APOB: variants seen among roughly 807,000 people sequenced by gnomAD.
APOB encodes apolipoprotein B-100.
A neutral mutation model predicts 314.1 loss-of-function variants in APOB; 153 were observed. That is an observed-to-expected ratio of 0.49 (90% CI 0.43 to 0.56). The LOEUF (loss-of-function observed/expected upper bound fraction) is 0.56. APOB is among the 20% of genes least tolerant of loss of function. The probability of loss-of-function intolerance (pLI) is 0.00; values close to 1 mark genes in which losing one functional copy is unlikely to be tolerated. For missense variants in APOB, 5,430 were observed against 5,350.7 expected (o/e 1.01, Z -0.46); for synonymous variants, 2,087 against 2,036.4 (o/e 1.02, Z -0.67).
intron 18 of APOB, 83 bp from the exon 19 acceptor site, chr2:21,019,988 C>T: frequency 8.0e-7 from 1 of 1,251,272 alleles, no homozygotes; most frequent in Non-Finnish European, 1.2e-6. Flanking sequence ...GCAAATACCC[C>T]CTTATCCTCC....
chr2:21,004,224 C>A (rs768787499), intron 28 of APOB, 45 bp downstream of exon 28: 12 of 1,596,636 alleles, frequency 7.5e-6, no homozygotes, highest in Non-Finnish European at 1.0e-5. Flanking sequence ...TGCCCCAATT[C>A]TCCACTCGCT....
chr2:21,024,958 C>T lies in APOB; in HGVS notation c.2411G>A (p.Arg804His), dbSNP rs148190577. The T allele has an allele frequency of 1.1e-4, 171 of 1,614,094 alleles. No individual in the cohort carries two copies. The Middle Eastern group carries it at 1.6e-3, about 16-fold the overall frequency. Reference sequence around the variant, plus strand: ...CATCTGGGGGATCCCCTGCAGAGTGCGGGCACCCATCAGAAGCAGCTTTCC... The same window carrying T: ...CATCTGGGGGATCCCCTGCAGAGTGTGGGCACCCATCAGAAGCAGCTTTCC... ...LLGKLLLMGARTLQGIPQMIG... is the reference protein window; with the variant it reads ...LLGKLLLMGAHTLQGIPQMIG... The change falls in exon 16 of 29, where the codon CGC (arginine) becomes CAC (histidine). Residue 804 changes from arginine to histidine, a missense_variant. By Grantham distance (29) the Arg-to-His change is conservative. Coordinates refer to ENST00000233242, the MANE Select transcript of APOB (RefSeq NM_000384.3).
In APOB at chr2:21,043,381, C is replaced by A. The variant is rs1020929180; in HGVS notation, c.121+132G>T. 8 of 1,078,370 alleles carry A rather than the reference C, an allele frequency of 7.4e-6. No individual in the cohort carries two copies. In the African/African-American group the frequency reaches 7.8e-5, roughly 11 times the overall value. The allele number at this position is 1,078,370 out of a possible 1,614,324, so 66.8% of individuals were successfully genotyped here. A position where few individuals can be genotyped will look rare whatever the true frequency, so the allele number is the denominator to read the frequency against. ...TGTGGGCAGAGGCTCAGGGAACTTG[C>A]TTCCTGGGGTCAGAGCAAGGCACAC... On this transcript the variant is annotated intron_variant, in intron 2 of 28. Coordinates refer to ENST00000233242, the MANE Select transcript of APOB (RefSeq NM_000384.3).
Position 21,032,276 on chromosome 2 carries a change from C to T in APOB, c.1352+78G>A, listed in dbSNP as rs1255592556. ...GAGTTTGAAAGTGGAAGGAGGGGTTCAGTTTTAATACAGAGATGCACAGAG... is the reference window on the plus strand; with the variant it reads ...GAGTTTGAAAGTGGAAGGAGGGGTTTAGTTTTAATACAGAGATGCACAGAG... On this transcript the variant is annotated intron_variant, in intron 10 of 28. Transcript: ENST00000233242. 4 of 1,300,212 alleles carry T rather than the reference C, an allele frequency of 3.1e-6. No homozygotes were observed. In the African/African-American group the frequency reaches 4.3e-5, roughly 14 times the overall value. The allele number at this position is 1,300,212 out of a possible 1,614,324, so 80.5% of individuals were successfully genotyped here.
At chr2:21,026,986 G>A (rs1007725740) in intron 14 of APOB, 22 bp from the exon 15 acceptor site, 3 of 1,613,466 alleles carry the variant, frequency 1.9e-6, no homozygotes, top group African/African-American at 1.3e-5. Context: ...AATCAGACAA[G>A]AAAATGGCAT....
chr2:21,005,615 G>T lies in APOB; in HGVS notation c.11253C>A (p.Val3751=). 1 of 1,613,972 alleles carries T rather than the reference G, an allele frequency of 6.2e-7. No individual in the cohort carries two copies. The highest frequency in any genetic ancestry group is 1.1e-5 in the South Asian group (1 of 91,086). The part of the protein sequence containing the change: ...NSVLVMPTFH[V]PFTDLQVPSC... ...ATGGAACCTGAAGATCTGTAAATGG[G>T]ACATGGAACGTAGGCATGACAAGAA... The change falls in exon 26 of 29, where the codon GTC becomes GTA. Residue 3751 remains valine (V), a synonymous_variant. Transcript: ENST00000233242.
Position 21,012,111 on chromosome 2 carries a change from T to C in APOB, c.4757A>G (p.Lys1586Arg). 1 of 1,610,228 alleles carries C rather than the reference T, an allele frequency of 6.2e-7. No individual in the cohort carries two copies. Among genetic ancestry groups the C allele is most frequent in the South Asian group, 1.1e-5 (1 of 90,598 alleles). The change falls in exon 26 of 29, where the codon AAG (lysine) becomes AGG (arginine). Residue 1586 changes from lysine to arginine, a missense_variant. By Grantham distance (26) the Lys-to-Arg change is conservative. This residue lies in a region of APOB where 2,085 missense variants were observed against 2,079.7 expected (regional missense o/e 1.00). Coordinates refer to ENST00000233242, the MANE Select transcript of APOB (RefSeq NM_000384.3). The stretch of plus-strand genomic sequence containing the variant: ...TTGCTTAGAGAAGGTCATATCCATC[T>C]TGTTAGAAGTGGCAAAGTTCTTATA... ...GKYKNFATSN[K>R]MDMTFSKQNA...
rs1395904887 is a variant in APOB, at chr2:21,034,821, C to T, written c.899G>A (p.Gly300Asp). Residue 300 changes from glycine (G) to aspartate (D), a missense_variant, in exon 8 of 29, where the codon GGT becomes GAT. Around this residue, in one of 3 missense-constraint regions of APOB, gnomAD observed 2,085 missense variants for 2,079.7 expected, o/e 1.00. Transcript: ENST00000233242. ...DTPKINSRFFGEGTKKMGLAF... is the reference protein window; with the variant it reads ...DTPKINSRFFDEGTKKMGLAF... ...ATGTGGACAGAAACTCTTACCTTCACCAAAGAAGCGGCTGTTGATCTTTGG... is the reference window on the plus strand; with the variant it reads ...ATGTGGACAGAAACTCTTACCTTCATCAAAGAAGCGGCTGTTGATCTTTGG... The T allele has an allele frequency of 1.3e-6, 2 of 1,585,984 alleles. No individual in the cohort carries two copies. Among genetic ancestry groups the T allele is most frequent in the Non-Finnish European group, 8.7e-7 (1 of 1,154,450 alleles).
Position 21,037,261 on chromosome 2 carries a change from G to A in APOB, c.538-6C>T, listed in dbSNP as rs1299062067. ...CAGTTTCCATACACGGTATCCTATGGAGGAAGAAGATGCAACCACATGTAT... is the reference window on the plus strand; with the variant it reads ...CAGTTTCCATACACGGTATCCTATGAAGGAAGAAGATGCAACCACATGTAT... On this transcript the variant is annotated splice_region_variant and splice_polypyrimidine_tract_variant and intron_variant, in intron 5 of 28. Transcript: ENST00000233242. 6.2e-7 allele frequency: 1 copy of A among 1,613,664 alleles called. No homozygotes were observed. The highest frequency in any genetic ancestry group is 8.5e-7 in the Non-Finnish European group (1 of 1,179,680).
At chr2:21,020,679 C>T (rs1405318993) in intron 18 of APOB, among the ~76,000 whole-genome samples, 1 of 152,206 alleles carries the variant, frequency 6.6e-6, no homozygotes, top group South Asian at 2.1e-4. Flanking sequence ...GAAAGTTCAA[C>T]ATTGGCCTGG....
intron 7 of APOB, among the ~76,000 whole-genome samples, 158 bp downstream of exon 7, chr2:21,035,426 G>A (rs2103382444): frequency 6.6e-6 from 1 of 152,260 alleles, no homozygotes; most frequent in African/African-American, 2.4e-5. Flanking sequence ...CTGCCAAATG[G>A]CCTGTTCGCT....
At chr2:21,043,701 C>A (rs1664193376) in intron 1 of APOB, 150 bp from the exon 2 acceptor site, 1 of 1,507,456 alleles carries the variant, frequency 6.6e-7, no homozygotes, top group Admixed American at 2.0e-5. Context: ...TCCCGCGCCC[C>A]CCATCCTGAG....
At position 21,007,845 on chromosome 2, in the gene APOB, G is replaced by T; in HGVS notation, c.9023C>A (p.Ala3008Glu). 1.9e-6 allele frequency: 3 copies of T among 1,614,010 alleles called. No homozygotes were observed. Among genetic ancestry groups the T allele is most frequent in the Non-Finnish European group, 1.7e-6 (2 of 1,179,960 alleles). ...CTCTGCCTTCCCTTCTCCAAACAGT[G>T]CCATGCCTTTAGCAGTTAGAACACT... ...GHSVLTAKGM[A>E]LFGEGKAEFT... Residue 3008 changes from alanine (A) to glutamate (E), a missense_variant, in exon 26 of 29, where the codon GCA becomes GAA. Coordinates refer to ENST00000233242, the MANE Select transcript of APOB (RefSeq NM_000384.3).
chr2:21,036,779 G>A (rs1394921049), intron 6 of APOB, among the ~76,000 whole-genome samples: 9 of 152,102 alleles, frequency 5.9e-5, no homozygotes, highest in African/African-American at 1.4e-4. Context: ...ATCCATCCCC[G>A]GAACCTTCTC....
Position 21,002,655 on chromosome 2 carries a change from T to C in APOB, c.12767A>G (p.Glu4256Gly). The C allele has an allele frequency of 6.2e-7, 1 of 1,613,752 alleles. No individual in the cohort carries two copies. Residue 4256 changes from glutamate to glycine, a missense_variant, in exon 29 of 29, where the codon GAG (glutamate) becomes GGG (glycine). Physicochemically the swap from Glu to Gly is moderately conservative, Grantham distance 98. Around this residue, in one of 3 missense-constraint regions of APOB, gnomAD observed 3,281 missense variants for 3,171.0 expected, o/e 1.03. Coordinates refer to ENST00000233242, the MANE Select transcript of APOB (RefSeq NM_000384.3). ...FQDLVITLPF[E>G]LRKHKLIDVI... ...ATCTATTAGTTTATGTTTCCTTAAC[T>C]CGAAAGGAAGTGTAATCACTAGGTC...
Position 21,003,134 on chromosome 2 carries a change from G to A in APOB, c.12288C>T (p.Thr4096=). 1 of 1,611,658 alleles carries A rather than the reference G, an allele frequency of 6.2e-7. No homozygotes were observed. Among genetic ancestry groups the A allele is most frequent in the Non-Finnish European group, 8.5e-7 (1 of 1,178,396 alleles). ...NKYHWEHTGL[T]LREVSSKLRR... is the part of the protein sequence containing the mutation. ...TCAGCTTTGAAGACACTTCTCTCAG[G>A]GTGAGCCCTGTGTGTTCCCAGTGGT... is the stretch of plus-strand genomic sequence containing the variant. The change falls in exon 29 of 29, where the codon ACC becomes ACT. Residue 4096 remains threonine, a synonymous_variant. Coordinates refer to ENST00000233242, the MANE Select transcript of APOB (RefSeq NM_000384.3).
intron 15 of APOB, among the ~76,000 whole-genome samples, chr2:21,025,675 G>C (rs932453398): frequency 2.0e-5 from 3 of 152,192 alleles, no homozygotes; most frequent in African/African-American, 7.2e-5. Flanking sequence ...TCAAGTGGGG[G>C]TCAGGAAATT....
intron 20 of APOB, 86 bp from the exon 21 acceptor site, chr2:21,016,735 A>G (rs1663477705): frequency 1.2e-5 from 11 of 881,906 alleles, no homozygotes; most frequent in Middle Eastern, 4.4e-4. Context: ...CTGTAATCCC[A>G]GCACTTTGGG....
Position 21,015,512 on chromosome 2 carries a change from A to G in APOB, c.3366T>C (p.Gly1122=). 1 of 1,613,830 alleles carries G rather than the reference A, an allele frequency of 6.2e-7. No homozygotes were observed. The highest frequency in any genetic ancestry group is 8.5e-7 in the Non-Finnish European group (1 of 1,180,018). The part of the protein sequence containing the change: ...CDTKEERKIK[G]VISIPRLQAE... ...CTTGCAAACGGGGTATGGAAATAAC[A>G]CCCTTGATTTTTCTTTCTTCCTTTG... The change falls in exon 22 of 29, where the codon GGT becomes GGC. Residue 1122 remains glycine, a synonymous_variant. Coordinates refer to ENST00000233242, the MANE Select transcript of APOB (RefSeq NM_000384.3).
Sources: gnomAD v4.1 joint callset for allele counts (sites outside exome capture counted in the v4.1 genomes callset) on GRCh38, gnomAD v4.1.1 for gene constraint, gnomAD v4.1.1 regional missense constraint, MANE v1.5 for transcripts, NCBI Gene and HGNC (gene_info 2026-07-23, HGNC 2026-07-21) for gene names.